The following CTNND2 variants were observed in gnomAD, a reference collection of about 807,000 sequenced individuals.
CTNND2 encodes catenin delta 2.
Under a neutral mutation model 144.4 loss-of-function variants are expected in CTNND2, and 22 were observed. That is an observed-to-expected ratio of 0.15 (90% CI 0.11 to 0.22). CTNND2 has a LOEUF of 0.22. Ranked by LOEUF, CTNND2 falls within the 10% of genes least tolerant of loss-of-function variation. CTNND2 has a pLI of 1.00. For synonymous variants in CTNND2, 751 were observed against 695.6 expected, an observed-to-expected ratio of 1.08 and a Z score of -1.25; for missense variants, 1,353 against 1,618.8, an observed-to-expected ratio of 0.84 and a Z score of 2.82.
At chr5:11,448,757 C>CTCCTGGGATCAAGTGATCCT (rs1278208433) in intron 3 of CTNND2, among the ~76,000 whole-genome samples, 1 of 152,184 alleles carries the variant, frequency 6.6e-6, no homozygotes, top group African/African-American at 2.4e-5. Context: ...CAACCTCTGA[C>CTCCTGGGATCAAGTGATCCT]TCCTGGGATC....
chr5:11,067,658 C>T (rs539895491), intron 16 of CTNND2, among the ~76,000 whole-genome samples: 1 of 152,320 alleles, frequency 6.6e-6, no homozygotes, highest in South Asian at 2.1e-4. Context: ...GGCAGGAAAC[C>T]CTGCCCTCAT....
intron 1 of CTNND2, among the ~76,000 whole-genome samples, chr5:11,744,698 T>TGCAC (rs1004102663): frequency 4.1e-5 from 6 of 146,286 alleles, no homozygotes; most frequent in Non-Finnish European, 8.8e-5. Flanking sequence ...TGTGTGTGCG[T>TGCAC]GTGTGTGTGT....
intron 2 of CTNND2, among the ~76,000 whole-genome samples, chr5:11,692,756 C>CA (rs1784965620): frequency 6.6e-6 from 1 of 152,228 alleles, no homozygotes; most frequent in African/African-American, 2.4e-5. Flanking sequence ...TGGCTGCCGC[C>CA]ATGCCTGGCT....
At chr5:11,068,994 A>C (rs1747932318) in intron 16 of CTNND2, among the ~76,000 whole-genome samples, 2 of 152,254 alleles carry the variant, frequency 1.3e-5, no homozygotes, top group African/African-American at 4.8e-5. Context: ...ATAGTAGCAA[A>C]GAAGGAAGAC....
At chr5:11,107,555 A>T (rs1229243885) in intron 14 of CTNND2, among the ~76,000 whole-genome samples, 1 of 152,222 alleles carries the variant, frequency 6.6e-6, no homozygotes, top group African/African-American at 2.4e-5. Flanking sequence ...CCTTCAGTGC[A>T]AAGAATTTGT....
chr5:11,755,974 G>T (rs1788912101), intron 1 of CTNND2, among the ~76,000 whole-genome samples: 1 of 151,532 alleles, frequency 6.6e-6, no homozygotes, highest in South Asian at 2.1e-4. Context: ...AAGAACCATT[G>T]CTGAAGAACT....
intron 2 of CTNND2, among the ~76,000 whole-genome samples, chr5:11,685,038 C>T (rs994112856): frequency 2.6e-5 from 4 of 152,178 alleles, no homozygotes; most frequent in Non-Finnish European, 5.9e-5. Context: ...ATAGTGCAAC[C>T]TAATAAAAGG....
intron 16 of CTNND2, among the ~76,000 whole-genome samples, chr5:11,023,572 A>C (rs1038152903): frequency 6.6e-6 from 1 of 152,238 alleles, no homozygotes; most frequent in African/African-American, 2.4e-5. Flanking sequence ...TGAAAGCAGG[A>C]GAGAGGTACT....
At chr5:11,630,846 C>A (rs1371273095) in intron 2 of CTNND2, among the ~76,000 whole-genome samples, 3 of 151,852 alleles carry the variant, frequency 2.0e-5, no homozygotes, top group Middle Eastern at 3.4e-3. Flanking sequence ...CCTAGCTACT[C>A]AGGAGGCTGA....
intron 12 of CTNND2, among the ~76,000 whole-genome samples, chr5:11,158,239 T>C (rs146590379): frequency 6.6e-6 from 1 of 152,190 alleles, no homozygotes; most frequent in East Asian, 1.9e-4. Flanking sequence ...TAAATAGTTG[T>C]GAATAAGTGA....
intron 3 of CTNND2, among the ~76,000 whole-genome samples, chr5:11,538,165 C>T (rs967206173): frequency 1.3e-5 from 2 of 152,160 alleles, no homozygotes; most frequent in Admixed American, 6.5e-5. Context: ...CTGGCTGATT[C>T]GAGAATAGCC....
At chr5:11,635,686 C>G (rs1327867844) in intron 2 of CTNND2, among the ~76,000 whole-genome samples, 1 of 152,144 alleles carries the variant, frequency 6.6e-6, no homozygotes. Flanking sequence ...TATAGTAAAT[C>G]AGTCCTGAAC....
rs114883033 is a variant in CTNND2 at position 11,669,559 on chromosome 5, T to A, written c.174+62577A>T. ...TCTAGTTTATTTGCGTACAGGTGTT[T>A]ATAATACTATTCTCTGATGGTAGTT... On this transcript the variant is annotated intron_variant, in intron 2 of 21. Coordinates refer to ENST00000304623, the MANE Select transcript of CTNND2 (RefSeq NM_001332.4). Among the ~76,000 whole-genome samples the A allele has an allele frequency of 5.7e-3, 865 of 152,292 alleles. 5 individuals carry two copies. The highest frequency in any genetic ancestry group is 0.02 in the African/African-American group (825 of 41,574).
intron 1 of CTNND2, among the ~76,000 whole-genome samples, chr5:11,812,732 A>C (rs2126912470): frequency 6.6e-6 from 1 of 152,312 alleles, no homozygotes; most frequent in South Asian, 2.1e-4. Context: ...TGAGATTCAA[A>C]CATAGTAGCC....
At chr5:11,637,970 G>A (rs927229577) in intron 2 of CTNND2, among the ~76,000 whole-genome samples, 1 of 152,126 alleles carries the variant, frequency 6.6e-6, no homozygotes, top group East Asian at 1.9e-4. Flanking sequence ...AAAATCTAAT[G>A]TAAAGAACCG....
At chr5:11,787,844 A>C (rs980344317) in intron 1 of CTNND2, among the ~76,000 whole-genome samples, 1 of 152,162 alleles carries the variant, frequency 6.6e-6, no homozygotes, top group African/African-American at 2.4e-5. Flanking sequence ...CCCTAGTGAG[A>C]TTGTGTTCAG....
chr5:11,689,200 T>G (rs908207660), intron 2 of CTNND2, among the ~76,000 whole-genome samples: 1 of 152,226 alleles, frequency 6.6e-6, no homozygotes, highest in African/African-American at 2.4e-5. Context: ...CATCTACTAC[T>G]GATGAAGTCT....
At chr5:11,164,242 G>T (rs1367707980) in intron 11 of CTNND2, among the ~76,000 whole-genome samples, 1 of 152,076 alleles carries the variant, frequency 6.6e-6, no homozygotes, top group African/African-American at 2.4e-5. Flanking sequence ...AGTCATACCT[G>T]CAAAGTCCCT....
intron 3 of CTNND2, among the ~76,000 whole-genome samples, chr5:11,514,602 T>C (rs1561499685): frequency 6.6e-6 from 1 of 152,224 alleles, no homozygotes; most frequent in Non-Finnish European, 1.5e-5. Flanking sequence ...TTCTTCGTCT[T>C]TAAATGTCAT....
Sources: gnomAD v4.1 joint callset for allele counts (sites outside exome capture counted in the v4.1 genomes callset) on GRCh38, gnomAD v4.1.1 for gene constraint, MANE v1.5 for transcripts, NCBI Gene and HGNC (gene_info 2026-07-23, HGNC 2026-07-21) for gene names.